ROCK2: variants seen among roughly 807,000 people sequenced by gnomAD.
The protein encoded by ROCK2 is rho-associated protein kinase 2.
Under a neutral mutation model 195.1 loss-of-function variants are expected in ROCK2, and 61 were observed. The observed-to-expected ratio is 0.31, with a 90% CI of 0.25 to 0.39. The LOEUF is 0.39. Ranked by LOEUF, ROCK2 falls within the 10% of genes least tolerant of loss-of-function variation. The probability of loss-of-function intolerance (pLI) is 1.00; values close to 1 mark genes in which losing one functional copy is unlikely to be tolerated. For missense variants in ROCK2, 1,109 were observed against 1,637.4 expected, an observed-to-expected ratio of 0.68 and a Z score of 5.57; for synonymous variants, 504 against 545.5, an observed-to-expected ratio of 0.92 and a Z score of 1.06.
chr2:11,267,507 CAA>C (rs1282448544), intron 3 of ROCK2, among the ~76,000 whole-genome samples: 1 of 137,948 alleles, frequency 7.2e-6, no homozygotes, highest in Non-Finnish European at 1.6e-5. Context: ...TTTTCACATA[CAA>C]AAAAAAAAAA....
chr2:11,220,561 C>T (rs909543682), intron 9 of ROCK2, among the ~76,000 whole-genome samples: 1 of 152,214 alleles, frequency 6.6e-6, no homozygotes, highest in Non-Finnish European at 1.5e-5. Flanking sequence ...AAGAAAACCA[C>T]ATAGTCTCAT....
At chr2:11,244,914 G>C (rs1665558427) in intron 4 of ROCK2, among the ~76,000 whole-genome samples, 1 of 151,940 alleles carries the variant, frequency 6.6e-6, no homozygotes, top group Non-Finnish European at 1.5e-5. Flanking sequence ...TATTAGAGTA[G>C]TCTTACCGTA....
intron 32 of ROCK2, among the ~76,000 whole-genome samples, chr2:11,186,101 AAC>A (rs1335914047): frequency 1.3e-5 from 2 of 152,380 alleles, no homozygotes; most frequent in South Asian, 2.1e-4. Flanking sequence ...ATTTAAAATA[AAC>A]ACAGCGACTC....
intron 11 of ROCK2, 82 bp downstream of exon 11, chr2:11,218,373 G>C (rs1295365554): frequency 3.2e-5 from 33 of 1,037,246 alleles, no homozygotes; most frequent in Non-Finnish European, 4.5e-5. Context: ...CCAAATGCTA[G>C]GTAGGATATG....
In ROCK2 at chr2:11,201,128, G is replaced by A; in HGVS notation, c.2739C>T (p.Ala913=). Residue 913 remains alanine, a synonymous_variant, in exon 23 of 33, where the codon GCC becomes GCT. Transcript: ENST00000315872. This position sits in a 1 kb window ranked among gnomAD's most constrained non-coding sequence, Gnocchi z 4.6. ...ELQDERDSLA[A]QLEITLTKAD... Reference sequence around the variant, plus strand: ...CTTTGGTCAAGGTGATCTCCAGTTGGGCAGCCAAAGAGTCCCTACATTTTA... The same window carrying A: ...CTTTGGTCAAGGTGATCTCCAGTTGAGCAGCCAAAGAGTCCCTACATTTTA... 1 of 1,608,100 alleles carries A rather than the reference G, an allele frequency of 6.2e-7. No individual in the cohort carries two copies. Among genetic ancestry groups the A allele is most frequent in the Non-Finnish European group, 8.5e-7 (1 of 1,178,120 alleles).
At chr2:11,284,335 G>A (rs7593091) in intron 3 of ROCK2, among the ~76,000 whole-genome samples, 123,190 of 152,060 alleles carry the variant, frequency 0.81, 51,440 homozygotes, top group East Asian at 0.99. Context: ...ATATCATTGT[G>A]CACTTGGCCA....
chr2:11,249,489 G>A (rs555631169), intron 4 of ROCK2, among the ~76,000 whole-genome samples, 172 bp downstream of exon 4: 5 of 152,324 alleles, frequency 3.3e-5, no homozygotes, highest in African/African-American at 9.6e-5. Context: ...TCATATCTAT[G>A]TGGACATACT....
intron 1 of ROCK2, among the ~76,000 whole-genome samples, chr2:11,305,197 G>A (rs746354930): frequency 3.9e-5 from 6 of 152,100 alleles, no homozygotes; most frequent in South Asian, 2.1e-4. Flanking sequence ...CCAGCATGGC[G>A]AAACCCTGTC....
At chr2:11,195,820 C>A (rs1190803705) in intron 27 of ROCK2, among the ~76,000 whole-genome samples, 2 of 152,152 alleles carry the variant, frequency 1.3e-5, no homozygotes, top group African/African-American at 2.4e-5. Context: ...TGACCAATTA[C>A]GTACATTTTA....
In ROCK2 at chr2:11,270,603, G is replaced by C. The variant is rs183539783; in HGVS notation, c.324+15936C>G. Among the ~76,000 whole-genome samples, 122 of 152,184 alleles carry C rather than the reference G, an allele frequency of 8.0e-4. 1 individual carries two copies. Among genetic ancestry groups the C allele is most frequent in the Non-Finnish European group, 1.6e-4 (11 of 68,006 alleles). On this transcript the variant is annotated intron_variant, in intron 3 of 32. Coordinates refer to ENST00000315872, the MANE Select transcript of ROCK2 (RefSeq NM_004850.5). ...ACCTATTGATATATCCTGAAACTTAGAGATATTTTATCAACCTTGTTCAGT... is the reference window on the plus strand; with the variant it reads ...ACCTATTGATATATCCTGAAACTTACAGATATTTTATCAACCTTGTTCAGT...
chr2:11,201,275 C>G lies in ROCK2; in HGVS notation c.2723+35G>C. The G allele has an allele frequency of 6.5e-7, 1 of 1,533,672 alleles. No homozygotes were observed. The highest frequency in any genetic ancestry group is 1.1e-5 in the South Asian group (1 of 89,186). ...ATTGTTCTAGGAGCAAAGTATACAG[C>G]TATGAACAAAAAGAGACAAGGGTCT... On this transcript the variant is annotated intron_variant, in intron 22 of 32. Coordinates refer to ENST00000315872, the MANE Select transcript of ROCK2 (RefSeq NM_004850.5). The surrounding 1 kb of genome is among the most constrained non-coding windows in gnomAD (Gnocchi z 4.6).
chr2:11,314,831 T>C (rs558057212), intron 1 of ROCK2, among the ~76,000 whole-genome samples: 1 of 152,074 alleles, frequency 6.6e-6, no homozygotes, highest in East Asian at 1.9e-4. Context: ...CTTTCTCCTG[T>C]GAAAAGAGCT....
At chr2:11,215,980 A>AT (rs1491121388) in intron 13 of ROCK2, among the ~76,000 whole-genome samples, 178 bp downstream of exon 13, 1 of 152,202 alleles carries the variant, frequency 6.6e-6, no homozygotes, top group African/African-American at 2.4e-5. Context: ...TTGCAAAAAC[A>AT]TAACAGAATG....
In ROCK2 at chr2:11,202,379, G is replaced by A. The variant is rs1663888569; in HGVS notation, c.2550-258C>T. Among the ~76,000 whole-genome samples the A allele has an allele frequency of 2.6e-5, 4 of 151,908 alleles. 1 individual carries two copies. The South Asian group carries it at 8.3e-4, about 32-fold the overall frequency. On this transcript the variant is annotated intron_variant, in intron 20 of 32. Transcript: ENST00000315872. The stretch of plus-strand genomic sequence containing the variant: ...CTGATGGCTAAAATAACGTGTTTGT[G>A]TGTTCCTGTGTTTTAAAGTTTTCTC...
In ROCK2 at chr2:11,201,494, G is replaced by T; in HGVS notation, c.2620-81C>A. The T allele has an allele frequency of 1.3e-6, 1 of 780,268 alleles. No individual in the cohort carries two copies. The highest frequency in any genetic ancestry group is 2.2e-6 in the Non-Finnish European group (1 of 456,290). The allele number at this position is 780,268 out of a possible 1,614,324, so 48.3% of individuals were successfully genotyped here. On this transcript the variant is annotated intron_variant, in intron 21 of 32. Coordinates refer to ENST00000315872, the MANE Select transcript of ROCK2 (RefSeq NM_004850.5). This position sits in a 1 kb window ranked among gnomAD's most constrained non-coding sequence, Gnocchi z 4.6. Reference sequence around the variant, plus strand: ...ATTCAAAAGCTATTCAGACAAAAAGGAGAATGAACACATACAAATATTTTC... The same window carrying T: ...ATTCAAAAGCTATTCAGACAAAAAGTAGAATGAACACATACAAATATTTTC...
chr2:11,233,631 A>G (rs1665100641), intron 5 of ROCK2, among the ~76,000 whole-genome samples: 1 of 139,794 alleles, frequency 7.2e-6, no homozygotes, highest in South Asian at 2.1e-4. Context: ...ATTGATTGAT[A>G]GATACTATGG....
chr2:11,276,410 A>G (rs577015415), intron 3 of ROCK2, among the ~76,000 whole-genome samples: 138 of 152,358 alleles, frequency 9.1e-4, no homozygotes, highest in African/African-American at 3.3e-3. Flanking sequence ...GAAAATTACA[A>G]AAACAATTCC....
intron 1 of ROCK2, among the ~76,000 whole-genome samples, chr2:11,304,244 C>T (rs1373454490): frequency 6.6e-6 from 1 of 152,144 alleles, no homozygotes; most frequent in Non-Finnish European, 1.5e-5. Flanking sequence ...GTAAGTATTT[C>T]AAACAATAAT....
intron 4 of ROCK2, among the ~76,000 whole-genome samples, chr2:11,238,245 T>TGTGTGTC (rs11377542): frequency 5.2e-5 from 2 of 38,432 alleles, no homozygotes; most frequent in African/African-American, 1.4e-4. Context: ...TGTGTGTCTG[T>TGTGTGTC]TGTGTGTGTC....
Sources: gnomAD v4.1 joint callset for allele counts (sites outside exome capture counted in the v4.1 genomes callset) on GRCh38, gnomAD v4.1.1 for gene constraint, Gnocchi (gnomAD v3.1) non-coding constraint, MANE v1.5 for transcripts, NCBI Gene and HGNC (gene_info 2026-07-23, HGNC 2026-07-21) for gene names.